CLMP: variants seen among roughly 807,000 people sequenced by gnomAD.
CLMP encodes CXADR like cell adhesion molecule.
Under a neutral mutation model 45.2 loss-of-function variants are expected in CLMP, and 27 were observed. The observed-to-expected ratio is 0.60, with a 90% CI of 0.44 to 0.82. The LOEUF (loss-of-function observed/expected upper bound fraction) is 0.82, where lower values mean the gene tolerates loss of function less well. CLMP is among the 40% of genes least tolerant of loss of function. The probability of loss-of-function intolerance (pLI) is 0.00; values close to 1 mark genes in which losing one functional copy is unlikely to be tolerated. For missense variants in CLMP, 403 were observed against 448.4 expected, an observed-to-expected ratio of 0.90 and a Z score of 0.91; for synonymous variants, 167 against 171.4, an observed-to-expected ratio of 0.97 and a Z score of 0.20.
chr11:123,186,750 T>C (rs1471344924), intron 1 of CLMP, among the ~76,000 whole-genome samples: 1 of 152,164 alleles, frequency 6.6e-6, no homozygotes, highest in Non-Finnish European at 1.5e-5. Context: ...TTTGAACTCC[T>C]GACCTCCAGT....
intron 1 of CLMP, among the ~76,000 whole-genome samples, chr11:123,182,112 CA>C (rs1194186259): frequency 6.6e-6 from 1 of 152,210 alleles, no homozygotes; most frequent in East Asian, 1.9e-4. Context: ...AAAACATTAA[CA>C]AAAGATGACA....
intron 1 of CLMP, among the ~76,000 whole-genome samples, chr11:123,153,423 A>G (rs1861368803): frequency 6.6e-6 from 1 of 152,182 alleles, no homozygotes. Context: ...TACCTCTTCC[A>G]CCTAAAATTT....
intron 1 of CLMP, among the ~76,000 whole-genome samples, chr11:123,137,201 T>A (rs1379276582): frequency 7.4e-6 from 1 of 134,832 alleles, no homozygotes; most frequent in African/African-American, 2.8e-5. Flanking sequence ...TCGCCCAGGC[T>A]GGAGTGCAGT....
chr11:123,082,587 C>T lies in CLMP; in HGVS notation c.679+498G>A, dbSNP rs182163111. Among the ~76,000 whole-genome samples the T allele has an allele frequency of 2.7e-3, 404 of 150,898 alleles. 1 individual carries two copies. The highest frequency in any genetic ancestry group is 4.4e-3 in the African/African-American group (182 of 41,048). ...AAGTGCTGGGATTACAGGCATGAGCCGCCACGCTGGGCTGGTTTTTTTTGT... is the reference window on the plus strand; with the variant it reads ...AAGTGCTGGGATTACAGGCATGAGCTGCCACGCTGGGCTGGTTTTTTTTGT... On this transcript the variant is annotated intron_variant, in intron 5 of 6. Coordinates refer to ENST00000448775, the MANE Select transcript of CLMP (RefSeq NM_024769.5).
rs77006577 is a variant in CLMP, at chr11:123,164,415, C to T, written c.28+30498G>A. Among the ~76,000 whole-genome samples the T allele has an allele frequency of 3.6e-3, 546 of 152,258 alleles. 13 individuals are homozygous for T. In the East Asian group the frequency reaches 0.056, roughly 16 times the overall value. On this transcript the variant is annotated intron_variant, in intron 1 of 6. Transcript: ENST00000448775. ...GCCTCCCGGGTTCAAGCAATTCTCC[C>T]ACCCTAGCCTCCCCAGTAGCTGGGA... is the stretch of plus-strand genomic sequence containing the variant.
At chr11:123,098,062 G>T in intron 1 of CLMP, 110 bp from the exon 2 acceptor site, 1 of 916,246 alleles carries the variant, frequency 1.1e-6, no homozygotes, top group Non-Finnish European at 1.6e-6. Context: ...AGTGCATGTG[G>T]AGGGGTTGCA....
rs113806859 is a variant in CLMP, at chr11:123,113,514, A to C, written c.29-15562T>G. On this transcript the variant is annotated intron_variant, in intron 1 of 6. Transcript: ENST00000448775. ...AGAGTACGTTAGAATTTTAGCAGCT[A>C]TACCTGGCAGGCGATGACCTTCCAG... 2.8e-3 allele frequency among the ~76,000 whole-genome samples: 427 copies of C among 152,298 alleles called. 2 individuals are homozygous for C. The highest frequency in any genetic ancestry group is 1.0e-2 in the African/African-American group (415 of 41,568).
chr11:123,129,936 G>A (rs1267603377), intron 1 of CLMP, among the ~76,000 whole-genome samples: 1 of 149,814 alleles, frequency 6.7e-6, no homozygotes, highest in African/African-American at 2.5e-5. Context: ...TTTCCTGGAG[G>A]CTCCAGACGT....
chr11:123,174,173 A>T (rs1044608128), intron 1 of CLMP, among the ~76,000 whole-genome samples: 3 of 152,204 alleles, frequency 2.0e-5, no homozygotes, highest in Non-Finnish European at 2.9e-5. Flanking sequence ...TCCACCTTAC[A>T]TAGAGGCCAA....
At chr11:123,118,715 C>T (rs1054487629) in intron 1 of CLMP, among the ~76,000 whole-genome samples, 5 of 152,118 alleles carry the variant, frequency 3.3e-5, no homozygotes, top group African/African-American at 9.7e-5. Context: ...CAGAAAATGT[C>T]GCGTCTCAGC....
intron 1 of CLMP, among the ~76,000 whole-genome samples, chr11:123,166,167 G>T (rs746923578): frequency 6.6e-6 from 1 of 152,050 alleles, no homozygotes; most frequent in Non-Finnish European, 1.5e-5. Flanking sequence ...TTCATACCTC[G>T]CAGGCCTGAA....
intron 1 of CLMP, among the ~76,000 whole-genome samples, chr11:123,133,897 G>A (rs143859275): frequency 6.6e-6 from 1 of 152,192 alleles, no homozygotes; most frequent in East Asian, 1.9e-4. Context: ...ATCAAACCTA[G>A]TAAAAACATG....
intron 2 of CLMP, among the ~76,000 whole-genome samples, chr11:123,086,734 C>T (rs955776826): frequency 7.2e-5 from 11 of 152,092 alleles, no homozygotes; most frequent in African/African-American, 2.2e-4. Context: ...TTGTGGGGGC[C>T]AGATGCGTGG....
rs561688725 is a variant in CLMP at position 123,109,519 on chromosome 11, A to G, written c.29-11567T>C. On this transcript the variant is annotated intron_variant, in intron 1 of 6. Transcript: ENST00000448775. ...CCGAAGATGATTGTCTTTTCCTTGA[A>G]ACCGGCAGATTGGAAACACAGAGAT... Among the ~76,000 whole-genome samples the G allele has an allele frequency of 5.3e-5, 8 of 152,300 alleles. No individual in the cohort carries two copies. The East Asian group carries it at 1.3e-3, about 26-fold the overall frequency.
In CLMP at chr11:123,174,254, A is replaced by G. The variant is rs117480187; in HGVS notation, c.28+20659T>C. Among the ~76,000 whole-genome samples, 599 of 152,202 alleles carry G rather than the reference A, an allele frequency of 3.9e-3. 26 individuals are homozygous for G. The East Asian group carries it at 0.098, about 25-fold the overall frequency. On this transcript the variant is annotated intron_variant, in intron 1 of 6. Coordinates refer to ENST00000448775, the MANE Select transcript of CLMP (RefSeq NM_024769.5). ...TCCTTCTACTGCACTGTGCTACCTC[A>G]TATCTCCCTCCACATCAGTTCTTTT...
rs201108754 is a variant in CLMP at position 123,072,311 on chromosome 11, ATTTTT to A, written c.*1158_*1162del. The A allele has an allele frequency of 6.9e-6, 1 of 144,014 alleles. No homozygotes were observed. The highest frequency in any genetic ancestry group is 2.2e-4 in the South Asian group (1 of 4,604). 8.9% of individuals were successfully genotyped at this position (144,014 alleles called of 1,614,324 possible). ...CTGAACTTCCTTTTATCCTTCCTTG[ATTTTT>A]TTTTTTTTTTGAGATGGAGTCTTGC... On this transcript the variant is annotated 3_prime_UTR_variant, in exon 7 of 7. Coordinates refer to ENST00000448775, the MANE Select transcript of CLMP (RefSeq NM_024769.5).
intron 1 of CLMP, among the ~76,000 whole-genome samples, chr11:123,166,706 G>A (rs1591484199): frequency 6.6e-6 from 1 of 152,154 alleles, no homozygotes; most frequent in Non-Finnish European, 1.5e-5. Flanking sequence ...AATAGTTCAG[G>A]TTCTGTTGCA....
At chr11:123,134,807 C>CA (rs34337103) in intron 1 of CLMP, among the ~76,000 whole-genome samples, 109 of 144,382 alleles carry the variant, frequency 7.5e-4, no homozygotes, top group African/African-American at 8.7e-4. Flanking sequence ...GACTCCGTCT[C>CA]AAAAAAAAAA....
At chr11:123,081,196 G>A (rs765647536) in intron 5 of CLMP, among the ~76,000 whole-genome samples, 2 of 151,890 alleles carry the variant, frequency 1.3e-5, no homozygotes, top group Non-Finnish European at 2.9e-5. Context: ...AAAAAAAACA[G>A]GGTGGGGGTT....
Sources: gnomAD v4.1 joint callset for allele counts (sites outside exome capture counted in the v4.1 genomes callset) on GRCh38, gnomAD v4.1.1 for gene constraint, MANE v1.5 for transcripts, NCBI Gene and HGNC (gene_info 2026-07-23, HGNC 2026-07-21) for gene names.